The following PPP2R2A variants were observed in gnomAD, a reference collection of about 807,000 sequenced individuals.
The protein encoded by PPP2R2A is serine/threonine-protein phosphatase 2A 55 kDa regulatory subunit B alpha isoform.
PPP2R2A carries 9 observed loss-of-function variants against 53.2 expected under a neutral mutation model. The ratio of observed to expected loss-of-function variants is 0.17; its 90% CI spans 0.10 to 0.30. The LOEUF is 0.30. Among genes scored for constraint, PPP2R2A ranks in the 10% least tolerant of loss-of-function variants. The pLI is 1.00. For synonymous variants in PPP2R2A, 169 were observed against 174.2 expected, an observed-to-expected ratio of 0.97 and a Z score of 0.23; for missense variants, 235 against 534.6, an observed-to-expected ratio of 0.44 and a Z score of 5.53.
intron 2 of PPP2R2A, among the ~76,000 whole-genome samples, chr8:26,312,455 T>C (rs901490113): frequency 6.6e-6 from 1 of 152,236 alleles, no homozygotes; most frequent in African/African-American, 2.4e-5. Flanking sequence ...AGGCAGCTTA[T>C]AGCCTCTCTT....
At chr8:26,359,005 C>T (rs1804939639) in intron 4 of PPP2R2A, 1 of 452,238 alleles carries the variant, frequency 2.2e-6, no homozygotes, top group Non-Finnish European at 4.5e-6. Context: ...TTGTCTTAAC[C>T]AAATGACCCA....
At chr8:26,347,618 TTTTA>T (rs1376791338) in intron 3 of PPP2R2A, among the ~76,000 whole-genome samples, 3 of 152,188 alleles carry the variant, frequency 2.0e-5, no homozygotes, top group East Asian at 1.9e-4. Context: ...TTCCTTTAAA[TTTTA>T]TTTGACTATC....
chr8:26,300,699 C>T (rs537632405), intron 2 of PPP2R2A, among the ~76,000 whole-genome samples: 30 of 152,142 alleles, frequency 2.0e-4, no homozygotes, highest in Non-Finnish European at 4.0e-4. Context: ...ACTAAAAATA[C>T]AAAAATTAGC....
chr8:26,368,408 T>C (rs543457974), intron 9 of PPP2R2A, among the ~76,000 whole-genome samples: 3 of 152,206 alleles, frequency 2.0e-5, no homozygotes, highest in Non-Finnish European at 4.4e-5. Flanking sequence ...AATTAAGAGC[T>C]TCAAACTTAC....
At position 26,303,865 on chromosome 8, in the gene PPP2R2A, G is replaced by GACATAT. The variant is rs1220310650; in HGVS notation, c.82+10125_82+10126insACATAT. On this transcript the variant is annotated intron_variant, in intron 2 of 9. Coordinates refer to ENST00000380737, the MANE Select transcript of PPP2R2A (RefSeq NM_002717.4). ...TGCTCTTGGCATATGTGGAATCCTT[G>GACATAT]GCAAGTCGTTGAATACTTCTATATA... is the stretch of plus-strand genomic sequence containing the variant. Among the ~76,000 whole-genome samples, 16 of 152,290 alleles carry GACATAT rather than the reference G, an allele frequency of 1.1e-4. No homozygotes were observed. In the South Asian group the frequency reaches 2.7e-3, roughly 26 times the overall value.
rs931903542 is a variant in PPP2R2A, at chr8:26,339,783, T to C, written c.180+796T>C. 9 of 152,236 alleles carry C rather than the reference T, an allele frequency of 5.9e-5. No homozygotes were observed. The East Asian group carries it at 1.7e-3, about 29-fold the overall frequency. The allele number at this position is 152,236 out of a possible 1,614,324, so 9.4% of individuals were successfully genotyped here. A position where few individuals can be genotyped will look rare whatever the true frequency, so the allele number is the denominator to read the frequency against. On this transcript the variant is annotated intron_variant, in intron 3 of 9. Coordinates refer to ENST00000380737, the MANE Select transcript of PPP2R2A (RefSeq NM_002717.4). ...AAAAGTTTAAAGTAATGTGGATAAATTGCAGGGTTTTACAAATACATGTCT... is the reference window on the plus strand; with the variant it reads ...AAAAGTTTAAAGTAATGTGGATAAACTGCAGGGTTTTACAAATACATGTCT...
At chr8:26,366,277 C>T in intron 8 of PPP2R2A, 38 bp from the exon 9 acceptor site, 1 of 1,505,312 alleles carries the variant, frequency 6.6e-7, no homozygotes, top group African/African-American at 1.4e-5. Context: ...AAATCATTTT[C>T]CTAATTTCAG....
intron 2 of PPP2R2A, among the ~76,000 whole-genome samples, chr8:26,330,408 A>G (rs1372613022): frequency 1.3e-5 from 2 of 150,894 alleles, no homozygotes; most frequent in African/African-American, 4.9e-5. Context: ...TCCCGGGTTC[A>G]AGCGATCCTC....
At chr8:26,317,116 C>G (rs1802600715) in intron 2 of PPP2R2A, among the ~76,000 whole-genome samples, 1 of 152,304 alleles carries the variant, frequency 6.6e-6, no homozygotes, top group Middle Eastern at 3.4e-3. Context: ...ACTGTGCTCC[C>G]TCTGCCTACC....
chr8:26,330,883 A>G (rs1803334804), intron 2 of PPP2R2A, among the ~76,000 whole-genome samples: 1 of 152,134 alleles, frequency 6.6e-6, no homozygotes, highest in African/African-American at 2.4e-5. Flanking sequence ...ATCCTTTCCA[A>G]GGATCAAATG....
chr8:26,310,175 G>C (rs1802211450), intron 2 of PPP2R2A, among the ~76,000 whole-genome samples: 1 of 144,194 alleles, frequency 6.9e-6, no homozygotes, highest in Non-Finnish European at 1.5e-5. Context: ...CAGCTACTCG[G>C]GAGGCTGAGG....
intron 3 of PPP2R2A, among the ~76,000 whole-genome samples, chr8:26,348,862 G>A (rs1253426753): frequency 1.3e-5 from 2 of 152,312 alleles, no homozygotes; most frequent in Non-Finnish European, 1.5e-5. Flanking sequence ...GTGTATGTAT[G>A]TGTGGTTTTC....
chr8:26,336,098 G>C (rs1360268594), intron 2 of PPP2R2A, among the ~76,000 whole-genome samples: 2 of 152,066 alleles, frequency 1.3e-5, no homozygotes, highest in South Asian at 4.1e-4. Flanking sequence ...ATCATTACTT[G>C]ATTCTTGTTC....
At chr8:26,346,435 C>A (rs930509450) in intron 3 of PPP2R2A, among the ~76,000 whole-genome samples, 9 of 152,096 alleles carry the variant, frequency 5.9e-5, no homozygotes, top group Non-Finnish European at 1.0e-4. Context: ...GCCACCACAC[C>A]CAGCTGGTTA....
chr8:26,363,032 T>A, intron 7 of PPP2R2A, 184 bp downstream of exon 7: 1 of 565,652 alleles, frequency 1.8e-6, no homozygotes, highest in South Asian at 2.2e-5. Context: ...GGAAGCTCTC[T>A]TGGGGGGCAT....
intron 1 of PPP2R2A, chr8:26,293,404 G>A: frequency 1.2e-6 from 1 of 855,548 alleles, no homozygotes; most frequent in Middle Eastern, 3.3e-4. Flanking sequence ...TACTGTATTT[G>A]ACAGGAAGTT....
intron 8 of PPP2R2A, among the ~76,000 whole-genome samples, chr8:26,364,566 A>G (rs918204059): frequency 2.6e-5 from 4 of 152,184 alleles, no homozygotes; most frequent in African/African-American, 9.7e-5. Flanking sequence ...AAATCACTTA[A>G]CTCTAATTTA....
intron 3 of PPP2R2A, among the ~76,000 whole-genome samples, chr8:26,340,449 A>G (rs887931910): frequency 6.6e-5 from 10 of 152,010 alleles, no homozygotes; most frequent in African/African-American, 2.2e-4. Flanking sequence ...TTTTTTACTG[A>G]AAGTTATTGA....
intron 3 of PPP2R2A, among the ~76,000 whole-genome samples, chr8:26,343,101 G>C (rs1398289715): frequency 6.6e-6 from 1 of 152,000 alleles, no homozygotes; most frequent in Non-Finnish European, 1.5e-5. Context: ...TTGAACCTAG[G>C]AGGCGGAGGT....
Sources: allele counts gnomAD v4.1 joint callset (sites outside exome capture counted in the v4.1 genomes callset), GRCh38; gene constraint gnomAD v4.1.1; transcripts MANE v1.5; gene names NCBI Gene and HGNC (gene_info 2026-07-23, HGNC 2026-07-21).